The following PTPRN2 variants were observed in gnomAD, a reference collection of about 807,000 sequenced individuals.
PTPRN2 encodes receptor-type tyrosine-protein phosphatase N2.
PTPRN2 carries 74 observed loss-of-function variants against 118.8 expected under a neutral mutation model. The ratio of observed to expected loss-of-function variants is 0.62; its 90% CI spans 0.52 to 0.76. PTPRN2 has a LOEUF of 0.76. Ranked by LOEUF, PTPRN2 falls within the 30% of genes least tolerant of loss-of-function variation. The probability of loss-of-function intolerance (pLI) is 0.00; values close to 1 mark genes in which losing one functional copy is unlikely to be tolerated. For missense variants in PTPRN2, 1,481 were observed against 1,394.4 expected (o/e 1.06, Z -0.99); for synonymous variants, 641 against 608.0 (o/e 1.05, Z -0.80).
rs997455384 is a variant in PTPRN2 at position 157,609,452 on chromosome 7, G to A, written c.2345-5377C>T. Among the ~76,000 whole-genome samples, 1 of 152,030 alleles carries A rather than the reference G, an allele frequency of 6.6e-6. No individual in the cohort carries two copies. Among genetic ancestry groups the A allele is most frequent in the Non-Finnish European group, 1.5e-5 (1 of 68,018 alleles). On this transcript the variant is annotated intron_variant, in intron 15 of 22. Coordinates refer to ENST00000389418, the MANE Select transcript of PTPRN2 (RefSeq NM_002847.5). This position sits in a 1 kb window ranked among gnomAD's most constrained non-coding sequence, Gnocchi z 4.9. The stretch of plus-strand genomic sequence containing the variant: ...TTTCTCAGATGTTCCATATTTTCAC[G>A]GATTAGATCCTCTTCTCTCATCCTG...
intron 11 of PTPRN2, among the ~76,000 whole-genome samples, chr7:157,999,802 G>A (rs1023945346): frequency 2.6e-5 from 4 of 152,102 alleles, no homozygotes; most frequent in African/African-American, 7.2e-5. Flanking sequence ...ACTGGGGTTC[G>A]CAGCTCCGAC....
intron 12 of PTPRN2, among the ~76,000 whole-genome samples, chr7:157,782,056 T>G (rs980212436): frequency 2.1e-4 from 32 of 152,228 alleles, no homozygotes; most frequent in Non-Finnish European, 2.8e-4. Flanking sequence ...GCCTATGCTA[T>G]CTCTTTCACT....
intron 13 of PTPRN2, among the ~76,000 whole-genome samples, chr7:157,659,196 C>CTG (rs2150749878): frequency 6.6e-6 from 1 of 151,468 alleles, no homozygotes; most frequent in East Asian, 2.0e-4. Context: ...GATACAGGTG[C>CTG]TGTGGGAAGG....
rs545689609 is a variant in PTPRN2, at chr7:157,694,077, C to T, written c.1789-11140G>A. On this transcript the variant is annotated intron_variant, in intron 12 of 22. Coordinates refer to ENST00000389418, the MANE Select transcript of PTPRN2 (RefSeq NM_002847.5). The stretch of plus-strand genomic sequence containing the variant: ...GGTTTTGCTTTCTTCACAGACATGA[C>T]CTGACAGTGAATACACAAATAAATA... Among the ~76,000 whole-genome samples, 22 of 152,392 alleles carry T rather than the reference C, an allele frequency of 1.4e-4. No homozygotes were observed. The South Asian group carries it at 3.5e-3, about 24-fold the overall frequency.
At chr7:157,661,423 G>T (rs1344389105) in intron 13 of PTPRN2, among the ~76,000 whole-genome samples, 1 of 152,254 alleles carries the variant, frequency 6.6e-6, no homozygotes, top group Non-Finnish European at 1.5e-5. Flanking sequence ...GGCCGGGGAC[G>T]CTGCTCTTGC....
intron 11 of PTPRN2, among the ~76,000 whole-genome samples, chr7:158,042,023 T>A (rs1038450447): frequency 6.6e-6 from 1 of 152,164 alleles, no homozygotes; most frequent in Non-Finnish European, 1.5e-5. Context: ...AAGACCAATG[T>A]CAAAAGAAAG....
At chr7:157,723,869 C>T (rs957938399) in intron 12 of PTPRN2, among the ~76,000 whole-genome samples, 5 of 152,238 alleles carry the variant, frequency 3.3e-5, no homozygotes, top group African/African-American at 1.2e-4. Flanking sequence ...GCCAGAAAGA[C>T]TTCCACGCTG....
rs557962006 is a variant in PTPRN2 at position 158,262,875 on chromosome 7, GCA to G, written c.277+53942_277+53943del. Among the ~76,000 whole-genome samples the G allele has an allele frequency of 6.4e-3, 820 of 127,482 alleles. 4 individuals are homozygous for G. Among genetic ancestry groups the G allele is most frequent in the Admixed American group, 0.022 (275 of 12,560 alleles). 83.6% of individuals were successfully genotyped at this position (127,482 alleles called of 152,430 possible). A position where few individuals can be genotyped will look rare whatever the true frequency, so the allele number is the denominator to read the frequency against. On this transcript the variant is annotated intron_variant, in intron 3 of 22. Coordinates refer to ENST00000389418, the MANE Select transcript of PTPRN2 (RefSeq NM_002847.5). ...ATACATTCACACACATTCACACACT[GCA>G]CACACATACATTCACACACACTGCA...
chr7:158,132,761 TACAC>T (rs1818471235), intron 9 of PTPRN2, among the ~76,000 whole-genome samples: 1 of 149,308 alleles, frequency 6.7e-6, no homozygotes, highest in South Asian at 2.1e-4. Context: ...CACACGCACA[TACAC>T]ATCTACCCAA....
At chr7:158,196,145 T>C (rs760275086) in intron 4 of PTPRN2, among the ~76,000 whole-genome samples, 1 of 152,190 alleles carries the variant, frequency 6.6e-6, no homozygotes, top group Non-Finnish European at 1.5e-5. Flanking sequence ...TCAGATACTG[T>C]TTGCTCTCAT....
intron 2 of PTPRN2, among the ~76,000 whole-genome samples, chr7:158,333,289 A>G: frequency 7.4e-6 from 1 of 134,230 alleles, no homozygotes; most frequent in Admixed American, 7.1e-5. Flanking sequence ...CACTCTCACC[A>G]TAAGAGGTGA....
intron 3 of PTPRN2, among the ~76,000 whole-genome samples, chr7:158,280,651 C>T (rs115910836): frequency 2.6e-4 from 40 of 152,174 alleles, no homozygotes; most frequent in Non-Finnish European, 5.3e-4. Context: ...GGGTGCGGCC[C>T]GACACTGCGT....
chr7:157,544,030 T>G (rs1585006871), intron 22 of PTPRN2, among the ~76,000 whole-genome samples: 6 of 137,988 alleles, frequency 4.3e-5, no homozygotes, highest in African/African-American at 1.1e-4. Flanking sequence ...CAGAGAGAGG[T>G]GGAGAGAGAC....
intron 11 of PTPRN2, among the ~76,000 whole-genome samples, chr7:157,976,144 G>T (rs1194174301): frequency 6.6e-6 from 1 of 152,236 alleles, no homozygotes; most frequent in Admixed American, 6.5e-5. Context: ...CGGGAAAGGG[G>T]CCTCAGCCAG....
chr7:158,539,236 C>T (rs1214073367), intron 1 of PTPRN2, among the ~76,000 whole-genome samples: 1 of 152,210 alleles, frequency 6.6e-6, no homozygotes, highest in African/African-American at 2.4e-5. Flanking sequence ...TTTAAATGCA[C>T]TAAGATATTG....
rs767915958 is a variant in PTPRN2, at chr7:158,138,522, GCA to G, written c.911-9_911-8del. On this transcript the variant is annotated splice_polypyrimidine_tract_variant and splice_region_variant and intron_variant, in intron 6 of 22. Transcript: ENST00000389418. ...AGGGTATGAATCCGTGCTCCTAGGG[GCA>G]CACACACAAACACAAGGACGTTGTG... The G allele has an allele frequency of 7.5e-6, 12 of 1,608,074 alleles. No homozygotes were observed. Among genetic ancestry groups the G allele is most frequent in the Non-Finnish European group, 9.3e-6 (11 of 1,178,660 alleles).
At chr7:158,478,223 C>T (rs1820407488) in intron 2 of PTPRN2, among the ~76,000 whole-genome samples, 1 of 152,200 alleles carries the variant, frequency 6.6e-6, no homozygotes, top group South Asian at 2.1e-4. Flanking sequence ...TACGTCTGGT[C>T]CCCAGGACCC....
At position 158,049,754 on chromosome 7, in the gene PTPRN2, T is replaced by C. The variant is rs188398927; in HGVS notation, c.1723+31544A>G. On this transcript the variant is annotated intron_variant, in intron 11 of 22. Transcript: ENST00000389418. ...TGTCTCTACTAAAAATTACAAAAAA[T>C]GAGCCAGGCGTGGTGGCGGGCACCT... Among the ~76,000 whole-genome samples the C allele has an allele frequency of 2.3e-3, 343 of 152,214 alleles. 1 individual carries two copies. The highest frequency in any genetic ancestry group is 8.0e-3 in the African/African-American group (331 of 41,540).
intron 21 of PTPRN2, among the ~76,000 whole-genome samples, chr7:157,554,954 AGCACCCCAGTGTGGCGG>A (rs1355462445): frequency 6.7e-6 from 1 of 148,288 alleles, no homozygotes; most frequent in Non-Finnish European, 1.5e-5. Context: ...CATCTTGCTC[AGCACCCCAGTGTGGCGG>A]GCGCCCCAGT....
Sources: allele counts gnomAD v4.1 joint callset (sites outside exome capture counted in the v4.1 genomes callset), GRCh38; gene constraint gnomAD v4.1.1; non-coding constraint Gnocchi (gnomAD v3.1); transcripts MANE v1.5; gene names NCBI Gene and HGNC (gene_info 2026-07-23, HGNC 2026-07-21).